Variants in DPP6 observed in about 807,000 individuals in gnomAD.
The protein encoded by DPP6 is A-type potassium channel modulatory protein DPP6.
Under a neutral mutation model 122.6 loss-of-function variants are expected in DPP6, and 69 were observed. That is an observed-to-expected ratio of 0.56 (90% confidence interval 0.46 to 0.69). The LOEUF (loss-of-function observed/expected upper bound fraction) is 0.69, where lower values mean the gene tolerates loss of function less well. DPP6 is among the 30% of genes least tolerant of loss of function. The pLI is 0.00. For synonymous variants in DPP6, 418 were observed against 433.1 expected, an observed-to-expected ratio of 0.97 and a Z score of 0.43; for missense variants, 928 against 1,116.9, an observed-to-expected ratio of 0.83 and a Z score of 2.41.
chr7:154,430,940 T>A (rs1327869128), intron 1 of DPP6, among the ~76,000 whole-genome samples: 7 of 152,134 alleles, frequency 4.6e-5, no homozygotes, highest in Non-Finnish European at 8.8e-5. Context: ...ATATTGCAAG[T>A]TCAACGTGTG....
intron 7 of DPP6, among the ~76,000 whole-genome samples, chr7:154,681,312 C>CAGGA (rs1839265919): frequency 6.6e-6 from 1 of 152,160 alleles, no homozygotes; most frequent in African/African-American, 2.4e-5. Context: ...AGGGTGCCCC[C>CAGGA]ACATCAGCCT....
chr7:154,511,753 CCTAA>C (rs1826107975), intron 3 of DPP6, among the ~76,000 whole-genome samples: 1 of 152,166 alleles, frequency 6.6e-6, no homozygotes. Context: ...ACTCCATTTT[CCTAA>C]CTTATTTCTA....
At chr7:154,034,053 C>T (rs1799392238) in intron 1 of DPP6, among the ~76,000 whole-genome samples, 1 of 152,172 alleles carries the variant, frequency 6.6e-6, no homozygotes, top group Non-Finnish European at 1.5e-5. Flanking sequence ...ACGTGAATGC[C>T]ACTATTCTAG....
At chr7:154,608,342 T>TATATATATATATA (rs59731169) in intron 5 of DPP6, among the ~76,000 whole-genome samples, 38 of 127,352 alleles carry the variant, frequency 3.0e-4, no homozygotes, top group Admixed American at 5.0e-4. Context: ...TATATATATA[T>TATATATATATATA]TTTGAGATGG....
chr7:153,978,662 CTTCTAGGGTTTTT>C (rs1320639099), intron 1 of DPP6, among the ~76,000 whole-genome samples: 1 of 152,116 alleles, frequency 6.6e-6, no homozygotes, highest in African/African-American at 2.4e-5. Flanking sequence ...CCTAGGTTTT[CTTCTAGGGTTTTT>C]ATGGTTTTAG....
At chr7:154,181,749 CTTTT>C (rs57576340) in intron 1 of DPP6, among the ~76,000 whole-genome samples, 2 of 134,904 alleles carry the variant, frequency 1.5e-5, no homozygotes, top group Admixed American at 7.6e-5. Flanking sequence ...GCATCTCCCT[CTTTT>C]TTTTTTTTTT....
chr7:154,551,369 A>C (rs1329852698), intron 4 of DPP6, among the ~76,000 whole-genome samples: 1 of 152,132 alleles, frequency 6.6e-6, no homozygotes, highest in East Asian at 1.9e-4. Flanking sequence ...AGAAAAAGCA[A>C]AATTTTTGTG....
intron 1 of DPP6, among the ~76,000 whole-genome samples, chr7:153,978,182 C>T (rs1162085183): frequency 2.0e-5 from 3 of 152,196 alleles, no homozygotes; most frequent in African/African-American, 4.8e-5. Flanking sequence ...AGTGTAAAAG[C>T]GTTCTTATTT....
At chr7:153,863,692 A>G in the DPP6 span, among the ~76,000 whole-genome samples, 3 of 152,180 alleles carry the variant, frequency 2.0e-5, no homozygotes, top group Non-Finnish European at 2.9e-5. Flanking sequence ...CACTCCAGGA[A>G]GAAACCTTAT....
chr7:154,397,236 G>A (rs561935516), intron 1 of DPP6, among the ~76,000 whole-genome samples: 1 of 150,886 alleles, frequency 6.6e-6, no homozygotes, highest in East Asian at 1.9e-4. Flanking sequence ...TTTTTCATGA[G>A]CATTAAGCAG....
chr7:154,428,930 C>T (rs142519411), intron 1 of DPP6, among the ~76,000 whole-genome samples: 180 of 152,244 alleles, frequency 1.2e-3, no homozygotes, highest in African/African-American at 4.0e-3. Flanking sequence ...GTGCACTAAA[C>T]GCTCAGACTT....
intron 1 of DPP6, among the ~76,000 whole-genome samples, chr7:154,294,022 T>A (rs1228999917): frequency 6.6e-6 from 1 of 152,144 alleles, no homozygotes; most frequent in Non-Finnish European, 1.5e-5. Flanking sequence ...TTTACATAGT[T>A]TCTATCTCAT....
At chr7:154,646,221 G>A (rs1836470545) in intron 6 of DPP6, among the ~76,000 whole-genome samples, 1 of 151,918 alleles carries the variant, frequency 6.6e-6, no homozygotes, top group Non-Finnish European at 1.5e-5. Context: ...TTTAAAAATA[G>A]ACTAAAACCA....
In DPP6 at chr7:154,341,354, A is replaced by T. The variant is rs557224279; in HGVS notation, c.244-104860A>T. On this transcript the variant is annotated intron_variant, in intron 1 of 25. Transcript: ENST00000377770. The stretch of plus-strand genomic sequence containing the variant: ...CTGTGGTCCACCTGGAGAGGTGGTT[A>T]TGTAGGACTCAGGGAAATACATAAT... Among the ~76,000 whole-genome samples, 10 of 152,162 alleles carry T rather than the reference A, an allele frequency of 6.6e-5. No homozygotes were observed. The East Asian group carries it at 1.9e-3, about 30-fold the overall frequency.
the DPP6 span, among the ~76,000 whole-genome samples, chr7:153,785,424 A>T: frequency 7.6e-4 from 116 of 152,134 alleles, no homozygotes; most frequent in East Asian, 5.0e-3. Context: ...TCAATTATAC[A>T]CAATTTTAGT....
intron 1 of DPP6, among the ~76,000 whole-genome samples, chr7:154,339,965 C>T (rs1367314914): frequency 3.3e-5 from 5 of 151,970 alleles, no homozygotes; most frequent in Admixed American, 1.3e-4. Flanking sequence ...TCCAGCTACT[C>T]GGGAGGCTGA....
At chr7:154,053,360 G>A (rs1389938370) in intron 1 of DPP6, among the ~76,000 whole-genome samples, 2 of 152,158 alleles carry the variant, frequency 1.3e-5, no homozygotes, top group Non-Finnish European at 2.9e-5. Context: ...TGGGTGCGCG[G>A]ATGTCTGTTT....
At chr7:154,810,659 C>T (rs1262167931) in intron 16 of DPP6, among the ~76,000 whole-genome samples, 3 of 152,046 alleles carry the variant, frequency 2.0e-5, no homozygotes, top group East Asian at 1.9e-4. Context: ...GTCAGACACA[C>T]GACTGACCCA....
chr7:154,114,972 C>T (rs889694571), intron 1 of DPP6, among the ~76,000 whole-genome samples: 8 of 151,878 alleles, frequency 5.3e-5, no homozygotes, highest in African/African-American at 9.7e-5. Context: ...ATTCATCGGC[C>T]GCCTCATGGG....
Sources: gnomAD v4.1 joint callset for allele counts (sites outside exome capture counted in the v4.1 genomes callset) on GRCh38, gnomAD v4.1.1 for gene constraint, MANE v1.5 for transcripts, NCBI Gene and HGNC (gene_info 2026-07-23, HGNC 2026-07-21) for gene names.